TRAF3IP1: variants seen among roughly 807,000 people sequenced by gnomAD.
TRAF3IP1 encodes the protein TRAF3-interacting protein 1.
TRAF3IP1 carries 53 observed loss-of-function variants against 89.9 expected under a neutral mutation model. That is an observed-to-expected ratio of 0.59 (90% CI 0.47 to 0.74). The LOEUF is 0.74. TRAF3IP1 is among the 30% of genes least tolerant of loss of function. TRAF3IP1 has a pLI of 0.00. For synonymous variants in TRAF3IP1, 311 were observed against 322.1 expected, an observed-to-expected ratio of 0.97 and a Z score of 0.37; for missense variants, 806 against 866.1, an observed-to-expected ratio of 0.93 and a Z score of 0.87.
intron 9 of TRAF3IP1, among the ~76,000 whole-genome samples, chr2:238,346,098 CTG>C (rs1319651447): frequency 2.0e-5 from 3 of 152,122 alleles, no homozygotes; most frequent in African/African-American, 7.2e-5. Context: ...GGATTTGAAA[CTG>C]TGTCTGCTGC....
rs530671941 is a variant in TRAF3IP1, at chr2:238,333,897, A to G, written c.988-63A>G. 4.7e-5 allele frequency: 63 copies of G among 1,344,544 alleles called. No homozygotes were observed. In the Admixed American group the frequency reaches 7.1e-4, roughly 15 times the overall value. The allele number at this position is 1,344,544 out of a possible 1,614,324, so 83.3% of individuals were successfully genotyped here. ...TCCTCAAGAAGAGCTTGAAAAATAA[A>G]CCTGCTTATGATACTGCTGTGTAAT... On this transcript the variant is annotated intron_variant, in intron 6 of 16. Transcript: ENST00000373327.
In TRAF3IP1 at chr2:238,335,594, C is replaced by T. The variant is rs940201938; in HGVS notation, c.1063+1559C>T. Reference sequence around the variant, plus strand: ...ATTCCACTCTTGCAAAATAAACTAACGTCTCAGAATTTAACTGGACTTGTG... The same window carrying T: ...ATTCCACTCTTGCAAAATAAACTAATGTCTCAGAATTTAACTGGACTTGTG... On this transcript the variant is annotated intron_variant, in intron 7 of 16. Coordinates refer to ENST00000373327, the MANE Select transcript of TRAF3IP1 (RefSeq NM_015650.4). 5.9e-5 allele frequency among the ~76,000 whole-genome samples: 9 copies of T among 152,056 alleles called. 1 individual carries two copies. Among genetic ancestry groups the T allele is most frequent in the Admixed American group, 3.3e-4 (5 of 15,264 alleles).
rs902502519 is a variant in TRAF3IP1 at position 238,400,612 on chromosome 2, T to G, written c.*1693T>G. The G allele has an allele frequency of 6.6e-6, 1 of 152,316 alleles. No homozygotes were observed. Among genetic ancestry groups the G allele is most frequent in the Middle Eastern group, 3.4e-3 (1 of 294 alleles). 9.4% of individuals were successfully genotyped at this position (152,316 alleles called of 1,614,324 possible). ...TTGATCAGATTATATTACATACATT[T>G]TGGGGGAGTGGAGGGACATGAGTTA... is the stretch of plus-strand genomic sequence containing the variant. On this transcript the variant is annotated 3_prime_UTR_variant, in exon 17 of 17. Coordinates refer to ENST00000373327, the MANE Select transcript of TRAF3IP1 (RefSeq NM_015650.4).
intron 15 of TRAF3IP1, among the ~76,000 whole-genome samples, chr2:238,358,507 G>C (rs1429933642): frequency 6.6e-6 from 1 of 152,198 alleles, no homozygotes; most frequent in African/African-American, 2.4e-5. Flanking sequence ...CTGCACTCCA[G>C]CTTGGATGAC....
intron 15 of TRAF3IP1, among the ~76,000 whole-genome samples, chr2:238,383,766 A>G (rs916451773): frequency 3.3e-5 from 5 of 152,142 alleles, no homozygotes; most frequent in African/African-American, 1.2e-4. Flanking sequence ...CCGTTTTATT[A>G]CTTTTCATGT....
intron 5 of TRAF3IP1, among the ~76,000 whole-genome samples, chr2:238,331,276 C>A (rs533116221): frequency 8.2e-4 from 116 of 141,926 alleles, no homozygotes; most frequent in Middle Eastern, 3.9e-3. Context: ...CTGGCCAACA[C>A]GGTGATGAAA....
intron 15 of TRAF3IP1, among the ~76,000 whole-genome samples, chr2:238,392,205 GA>G (rs2106379007): frequency 6.6e-6 from 1 of 152,198 alleles, no homozygotes; most frequent in Non-Finnish European, 1.5e-5. Context: ...ACCCTGTAAA[GA>G]AAAAATAGTA....
intron 15 of TRAF3IP1, among the ~76,000 whole-genome samples, chr2:238,363,298 A>G (rs930144457): frequency 5.3e-5 from 8 of 152,032 alleles, no homozygotes; most frequent in Non-Finnish European, 5.9e-5. Flanking sequence ...ACCTACATAT[A>G]TTTCCGATTG....
intron 15 of TRAF3IP1, among the ~76,000 whole-genome samples, chr2:238,359,533 T>A (rs1289281868): frequency 1.3e-5 from 2 of 152,212 alleles, no homozygotes; most frequent in African/African-American, 4.8e-5. Context: ...TTTATCCATG[T>A]TGTTGCAGCG....
intron 15 of TRAF3IP1, among the ~76,000 whole-genome samples, chr2:238,395,989 G>C (rs1333956000): frequency 1.3e-5 from 2 of 152,162 alleles, no homozygotes; most frequent in Admixed American, 6.5e-5. Flanking sequence ...CAGGGATCTA[G>C]AACTAGAAAT....
intron 12 of TRAF3IP1, among the ~76,000 whole-genome samples, chr2:238,349,629 C>T (rs989377472): frequency 8.5e-5 from 13 of 152,196 alleles, no homozygotes; most frequent in African/African-American, 2.9e-4. Flanking sequence ...TACATCTTCA[C>T]ATCTATGGGA....
chr2:238,355,893 A>G, intron 14 of TRAF3IP1, 111 bp from the exon 15 acceptor site: 1 of 757,082 alleles, frequency 1.3e-6, no homozygotes, highest in Non-Finnish European at 2.3e-6. Context: ...GTTTCAGCAT[A>G]AAAAGAGATA....
intron 15 of TRAF3IP1, among the ~76,000 whole-genome samples, chr2:238,359,939 A>G (rs1226804198): frequency 6.6e-6 from 1 of 152,012 alleles, no homozygotes; most frequent in Non-Finnish European, 1.5e-5. Context: ...TGTCAGCACC[A>G]CTCCCTTGTA....
chr2:238,320,961 G>A (rs1017461945), intron 1 of TRAF3IP1, 176 bp downstream of exon 1: 20 of 411,072 alleles, frequency 4.9e-5, no homozygotes, highest in Admixed American at 1.0e-4. Flanking sequence ...GGTGTGGGCC[G>A]GGCTCGGGGT....
chr2:238,322,277 C>T (rs1362845537), intron 1 of TRAF3IP1, among the ~76,000 whole-genome samples: 1 of 152,232 alleles, frequency 6.6e-6, no homozygotes, highest in Non-Finnish European at 1.5e-5. Flanking sequence ...AATGCAGAGC[C>T]CCAGGAGGGA....
Position 238,351,080 on chromosome 2 carries a change from G to A in TRAF3IP1, c.1451+1672G>A, listed in dbSNP as rs946393499. Reference sequence around the variant, plus strand: ...GGGCGGTGAGCTGGGAATATAGATAGTGGTGGTAAAGGAGTGGGGCGCTTG... The same window carrying A: ...GGGCGGTGAGCTGGGAATATAGATAATGGTGGTAAAGGAGTGGGGCGCTTG... On this transcript the variant is annotated intron_variant, in intron 12 of 16. Coordinates refer to ENST00000373327, the MANE Select transcript of TRAF3IP1 (RefSeq NM_015650.4). The surrounding 1 kb of genome is among the most constrained non-coding windows in gnomAD (Gnocchi z 5.2). Among the ~76,000 whole-genome samples the A allele has an allele frequency of 6.6e-6, 1 of 152,164 alleles. No individual in the cohort carries two copies. The highest frequency in any genetic ancestry group is 1.5e-5 in the Non-Finnish European group (1 of 68,036).
At chr2:238,344,978 C>T (rs1292955973) in intron 9 of TRAF3IP1, among the ~76,000 whole-genome samples, 4 of 152,140 alleles carry the variant, frequency 2.6e-5, no homozygotes, top group African/African-American at 9.7e-5. Context: ...TTCTGTCTGT[C>T]ATTTTCTTTG....
intron 15 of TRAF3IP1, among the ~76,000 whole-genome samples, chr2:238,367,250 T>C (rs1699923346): frequency 7.1e-6 from 1 of 140,154 alleles, no homozygotes. Context: ...TACTAAACAA[T>C]GCCCCAGCTC....
In TRAF3IP1 at chr2:238,320,752, C is replaced by T. The variant is rs1183349435; in HGVS notation, c.90C>T (p.Pro30=). ...PPLTEKLLSK[P]PFRYLHDIIT... The stretch of plus-strand genomic sequence containing the variant: ...TGACCGAGAAGCTGCTGAGCAAGCC[C>T]CCGTTCCGCTACCTGCACGACATCA... The change falls in exon 1 of 17, where the codon CCC becomes CCT. Residue 30 remains proline (P), a synonymous_variant. Transcript: ENST00000373327. 4 of 1,440,766 alleles carry T rather than the reference C, an allele frequency of 2.8e-6. No individual in the cohort carries two copies. The highest frequency in any genetic ancestry group is 1.3e-5 in the South Asian group (1 of 75,702). 89.2% of individuals were successfully genotyped at this position (1,440,766 alleles called of 1,614,324 possible).
Sources: gnomAD v4.1 joint callset for allele counts (sites outside exome capture counted in the v4.1 genomes callset) on GRCh38, gnomAD v4.1.1 for gene constraint, Gnocchi (gnomAD v3.1) non-coding constraint, MANE v1.5 for transcripts, NCBI Gene and HGNC (gene_info 2026-07-23, HGNC 2026-07-21) for gene names.